The following SHTN1 variants were observed in gnomAD, a reference collection of about 807,000 sequenced individuals.
SHTN1 encodes the protein shootin-1.
Under a neutral mutation model 83.1 loss-of-function variants are expected in SHTN1, and 42 were observed. The ratio of observed to expected loss-of-function variants is 0.51; its 90% confidence interval spans 0.39 to 0.65. The LOEUF is 0.65. SHTN1 is among the 30% of genes least tolerant of loss of function. The pLI, the probability that SHTN1 is intolerant of heterozygous loss-of-function variation, is 0.00. For missense variants in SHTN1, 622 were observed against 737.8 expected (o/e 0.84, Z 1.82); for synonymous variants, 224 against 247.7 (o/e 0.90, Z 0.90).
intron 2 of SHTN1, among the ~76,000 whole-genome samples, chr10:117,012,670 A>C (rs1312849194): frequency 1.3e-5 from 2 of 152,164 alleles, no homozygotes; most frequent in South Asian, 2.1e-4. Context: ...CAAGAGAAAA[A>C]ACCGTGTAAC....
At chr10:117,091,249 C>T (rs1186543632) in intron 1 of SHTN1, among the ~76,000 whole-genome samples, 2 of 152,158 alleles carry the variant, frequency 1.3e-5, no homozygotes, top group Non-Finnish European at 2.9e-5. Flanking sequence ...GGGACTGTTC[C>T]AAATACTTTA....
At chr10:117,067,092 T>A (rs1376288630) in intron 1 of SHTN1, among the ~76,000 whole-genome samples, 1 of 152,144 alleles carries the variant, frequency 6.6e-6, no homozygotes, top group Non-Finnish European at 1.5e-5. Context: ...GGGCAACATA[T>A]ACATATGCCT....
At chr10:117,025,472 A>G (rs551959764) in intron 2 of SHTN1, among the ~76,000 whole-genome samples, 1 of 152,312 alleles carries the variant, frequency 6.6e-6, no homozygotes, top group African/African-American at 2.4e-5. Context: ...CTAAGGACAC[A>G]AAGGCAGCAC....
intron 10 of SHTN1, among the ~76,000 whole-genome samples, chr10:116,929,624 G>C (rs1312548351): frequency 1.3e-5 from 2 of 151,962 alleles, no homozygotes; most frequent in South Asian, 2.1e-4. Context: ...TGTTCACAAG[G>C]GCTCTAAGTC....
At chr10:117,012,260 G>A (rs1029939455) in intron 2 of SHTN1, among the ~76,000 whole-genome samples, 1 of 151,488 alleles carries the variant, frequency 6.6e-6, no homozygotes, top group African/African-American at 2.4e-5. Flanking sequence ...ATCATAAAAT[G>A]TATTATGGAA....
chr10:116,995,225 C>G lies in SHTN1; in HGVS notation c.58+9797G>C, dbSNP rs971536511. ...TTATAATCCTAAAGTTTTGGGTCTT[C>G]AAGGAGGTATATGGGAAGAACAAAA... On this transcript the variant is annotated intron_variant, in intron 1 of 16. Coordinates refer to ENST00000355371, the MANE Select transcript of SHTN1 (RefSeq NM_001127211.3). Among the ~76,000 whole-genome samples, 9 of 152,160 alleles carry G rather than the reference C, an allele frequency of 5.9e-5. No homozygotes were observed. In the East Asian group the frequency reaches 1.7e-3, roughly 29 times the overall value.
At chr10:116,934,505 CT>C (rs970523200) in intron 9 of SHTN1, among the ~76,000 whole-genome samples, 2 of 152,124 alleles carry the variant, frequency 1.3e-5, no homozygotes, top group Non-Finnish European at 2.9e-5. Context: ...TCTGGGGCCT[CT>C]GCTATGTTCC....
intron 2 of SHTN1, among the ~76,000 whole-genome samples, chr10:117,032,733 T>C (rs1852436503): frequency 2.0e-5 from 3 of 152,168 alleles, no homozygotes; most frequent in Non-Finnish European, 4.4e-5. Context: ...AGCTGCAGAA[T>C]ACACATTCTT....
chr10:116,946,630 T>A (rs950356209), intron 7 of SHTN1, among the ~76,000 whole-genome samples: 3 of 99,308 alleles, frequency 3.0e-5, no homozygotes, highest in Non-Finnish European at 5.9e-5. Context: ...TATAAAATGA[T>A]TTATATATAA....
chr10:116,916,526 C>T (rs1193503358), intron 12 of SHTN1, among the ~76,000 whole-genome samples: 2 of 152,220 alleles, frequency 1.3e-5, no homozygotes, highest in Non-Finnish European at 2.9e-5. Flanking sequence ...TAAATGCCTA[C>T]TAATATTTTT....
At chr10:116,897,024 C>T (rs1847548346) in intron 16 of SHTN1, among the ~76,000 whole-genome samples, 1 of 152,110 alleles carries the variant, frequency 6.6e-6, no homozygotes, top group South Asian at 2.1e-4. Flanking sequence ...CCCGGCTGGT[C>T]TTGGACTCCT....
upstream of SHTN1, among the ~76,000 whole-genome samples, chr10:117,006,505 G>T (rs1412170456): frequency 1.4e-5 from 2 of 147,450 alleles, no homozygotes; most frequent in African/African-American, 2.5e-5. Flanking sequence ...GGCGGAGCTT[G>T]CAGTGAGCCG....
chr10:117,000,029 T>C (rs1256519331), intron 1 of SHTN1, among the ~76,000 whole-genome samples: 1 of 152,212 alleles, frequency 6.6e-6, no homozygotes, highest in Non-Finnish European at 1.5e-5. Flanking sequence ...TGCCAAACTG[T>C]TGTTCTTCAG....
intron 9 of SHTN1, among the ~76,000 whole-genome samples, chr10:116,931,837 T>C (rs2133381408): frequency 6.6e-6 from 1 of 152,336 alleles, no homozygotes; most frequent in Non-Finnish European, 1.5e-5. Context: ...TAATCTTCTT[T>C]AACTTTTGCT....
chr10:116,908,428 T>C (rs1848059167), intron 14 of SHTN1, among the ~76,000 whole-genome samples: 1 of 152,164 alleles, frequency 6.6e-6, no homozygotes. Flanking sequence ...GTATGACCAA[T>C]ACTGACAAGA....
At chr10:117,097,610 C>T (rs2133625455) in intron 1 of SHTN1, among the ~76,000 whole-genome samples, 1 of 152,266 alleles carries the variant, frequency 6.6e-6, no homozygotes, top group African/African-American at 2.4e-5. Context: ...TGCCTTTTGT[C>T]TGATAAAAGC....
upstream of SHTN1, among the ~76,000 whole-genome samples, chr10:117,009,203 A>T (rs1451646999): frequency 6.6e-6 from 1 of 152,154 alleles, no homozygotes; most frequent in African/African-American, 2.4e-5. Flanking sequence ...AAACATACAC[A>T]TTTTTTTAAA....
intron 1 of SHTN1, among the ~76,000 whole-genome samples, chr10:117,054,178 A>G (rs1324449661): frequency 7.9e-5 from 12 of 152,140 alleles, no homozygotes; most frequent in Non-Finnish European, 4.4e-5. Context: ...GGGAGGTTGG[A>G]CACGTTTCAT....
chr10:116,963,918 T>A (rs1850297666), intron 3 of SHTN1, among the ~76,000 whole-genome samples: 1 of 151,828 alleles, frequency 6.6e-6, no homozygotes, highest in African/African-American at 2.4e-5. Context: ...AACTATGACT[T>A]CAAAGCAGTC....
Sources: allele counts gnomAD v4.1 joint callset (sites outside exome capture counted in the v4.1 genomes callset), GRCh38; gene constraint gnomAD v4.1.1; transcripts MANE v1.5; gene names NCBI Gene and HGNC (gene_info 2026-07-23, HGNC 2026-07-21).